UNC5C: variants seen among roughly 807,000 people sequenced by gnomAD.
UNC5C encodes the protein unc-5 netrin receptor C, also known as netrin receptor UNC5C.
UNC5C carries 47 observed loss-of-function variants against 99.8 expected under a neutral mutation model. The observed-to-expected ratio is 0.47, with a 90% CI of 0.37 to 0.60. UNC5C has a LOEUF of 0.60. UNC5C is among the 20% of genes least tolerant of loss of function. UNC5C has a pLI of 0.00. For synonymous variants in UNC5C, 487 were observed against 452.2 expected (o/e 1.08, Z -0.98); for missense variants, 1,062 against 1,165.9 (o/e 0.91, Z 1.30).
chr4:95,203,656 G>A (rs1406759323), intron 11 of UNC5C, among the ~76,000 whole-genome samples: 2 of 151,958 alleles, frequency 1.3e-5, no homozygotes, highest in Non-Finnish European at 2.9e-5. Flanking sequence ...ATAGAGATGG[G>A]GTTTCACTAT....
At position 95,179,981 on chromosome 4, in the gene UNC5C, A is replaced by C. The variant is rs140885240; in HGVS notation, c.2451+2916T>G. ...TATTTTGATTGATGATAGAAAGAAA[A>C]TCTGAAACCTCAATTGATGACAGAC... is the stretch of plus-strand genomic sequence containing the variant. On this transcript the variant is annotated intron_variant, in intron 14 of 15. Transcript: ENST00000453304. Among the ~76,000 whole-genome samples the C allele has an allele frequency of 8.4e-4, 123 of 146,056 alleles. 1 individual carries two copies. Among genetic ancestry groups the C allele is most frequent in the African/African-American group, 2.9e-3 (117 of 40,764 alleles).
At chr4:95,483,765 A>G (rs1721244427) in intron 1 of UNC5C, among the ~76,000 whole-genome samples, 2 of 151,714 alleles carry the variant, frequency 1.3e-5, no homozygotes, top group African/African-American at 2.4e-5. Flanking sequence ...TTCAACCTGG[A>G]TCCCATTAAG....
intron 1 of UNC5C, among the ~76,000 whole-genome samples, chr4:95,348,314 G>T (rs955999863): frequency 2.0e-5 from 3 of 151,836 alleles, no homozygotes; most frequent in Non-Finnish European, 4.4e-5. Flanking sequence ...ACTGTTGGGG[G>T]GAATGTAAAT....
chr4:95,176,204 C>T (rs28844418), intron 14 of UNC5C, among the ~76,000 whole-genome samples: 2,097 of 152,256 alleles, frequency 0.014, 49 homozygotes, highest in African/African-American at 0.047. Context: ...TCCCATAGCT[C>T]GGAGTAATTT....
At chr4:95,183,856 C>T (rs1736716896) in intron 13 of UNC5C, among the ~76,000 whole-genome samples, 1 of 152,186 alleles carries the variant, frequency 6.6e-6, no homozygotes, top group Admixed American at 6.5e-5. Flanking sequence ...GTTTTCCTAT[C>T]TGCAAAAGAG....
At chr4:95,341,087 A>G (rs1311469027) in intron 1 of UNC5C, among the ~76,000 whole-genome samples, 1 of 152,182 alleles carries the variant, frequency 6.6e-6, no homozygotes, top group African/African-American at 2.4e-5. Flanking sequence ...ATTTGACAAT[A>G]TAAGTAAAAA....
intron 1 of UNC5C, among the ~76,000 whole-genome samples, chr4:95,446,105 C>G (rs1431779587): frequency 6.6e-6 from 1 of 152,124 alleles, no homozygotes; most frequent in Non-Finnish European, 1.5e-5. Flanking sequence ...AGACCGGCCT[C>G]ATTCAGAACT....
rs756595601 is a variant in UNC5C, at chr4:95,202,881, C to G, written c.1986G>C (p.Glu662Asp). 6.2e-7 allele frequency: 1 copy of G among 1,614,070 alleles called. No homozygotes were observed. Among genetic ancestry groups the G allele is most frequent in the African/African-American group, 1.3e-5 (1 of 74,936 alleles). ...LDAEACHILT[E>D]NLSTYALVGH... Reference sequence around the variant, plus strand: ...CTACCAGGGCGTAGGTGCTGAGGTTCTCTGTGAGGATGTGGCAGGCCTCTG... The same window carrying G: ...CTACCAGGGCGTAGGTGCTGAGGTTGTCTGTGAGGATGTGGCAGGCCTCTG... The change falls in exon 12 of 16, where the codon GAG becomes GAC. Residue 662 changes from glutamate to aspartate, a missense_variant. Around this residue, in one of 3 missense-constraint regions of UNC5C, gnomAD observed 810 missense variants for 854.5 expected, o/e 0.95. Coordinates refer to ENST00000453304, the MANE Select transcript of UNC5C (RefSeq NM_003728.4).
chr4:95,480,491 C>T (rs1432205917), intron 1 of UNC5C, among the ~76,000 whole-genome samples: 2 of 151,742 alleles, frequency 1.3e-5, no homozygotes, highest in African/African-American at 4.8e-5. Context: ...TCTCAAAGAC[C>T]ACCCTATGTC....
At position 95,242,338 on chromosome 4, in the gene UNC5C, G is replaced by T. The variant is rs2149378344; in HGVS notation, c.1108+91C>A. ...TTATTGCATTTTATTGTTGTTGAAA[G>T]AATTCTTTATTTCTAATGTTTCCTT... is the stretch of plus-strand genomic sequence containing the variant. On this transcript the variant is annotated intron_variant, in intron 7 of 15. Coordinates refer to ENST00000453304, the MANE Select transcript of UNC5C (RefSeq NM_003728.4). The T allele has an allele frequency of 1.3e-5, 19 of 1,513,852 alleles. No homozygotes were observed. In the South Asian group the frequency reaches 1.9e-4, roughly 15 times the overall value. The allele number at this position is 1,513,852 out of a possible 1,614,324, so 93.8% of individuals were successfully genotyped here. A position where few individuals can be genotyped will look rare whatever the true frequency, so the allele number is the denominator to read the frequency against.
intron 1 of UNC5C, among the ~76,000 whole-genome samples, chr4:95,387,143 T>C (rs965986015): frequency 3.3e-5 from 5 of 152,104 alleles, no homozygotes; most frequent in African/African-American, 1.2e-4. Flanking sequence ...CTCTCTCTCT[T>C]TTTATTTTTT....
chr4:95,373,970 C>G (rs1050955828), intron 1 of UNC5C, among the ~76,000 whole-genome samples: 4 of 152,110 alleles, frequency 2.6e-5, no homozygotes, highest in Non-Finnish European at 5.9e-5. Flanking sequence ...CAACTGTGAT[C>G]TTTTCCTGCA....
intron 4 of UNC5C, among the ~76,000 whole-genome samples, chr4:95,275,065 G>A (rs569278028): frequency 6.8e-5 from 7 of 102,260 alleles, no homozygotes; most frequent in African/African-American, 2.9e-4. Context: ...GGTAAGGGCA[G>A]CAGTACACCA....
At position 95,167,769 on chromosome 4, in the gene UNC5C, A is replaced by G. The variant is rs541166848; in HGVS notation, c.*1465T>C. 6.6e-6 allele frequency: 1 copy of G among 152,354 alleles called. No homozygotes were observed. The highest frequency in any genetic ancestry group is 2.4e-5 in the African/African-American group (1 of 41,598). The allele number at this position is 152,354 out of a possible 1,614,324, so 9.4% of individuals were successfully genotyped here. On this transcript the variant is annotated 3_prime_UTR_variant, in exon 16 of 16. Transcript: ENST00000453304. ...AATAATCATCTTCCTTGTCAGAACTACTTGAAAGGCGTAACATAGCCTGGG... is the reference window on the plus strand; with the variant it reads ...AATAATCATCTTCCTTGTCAGAACTGCTTGAAAGGCGTAACATAGCCTGGG...
rs142110488 is a variant in UNC5C at position 95,236,365 on chromosome 4, C to T, written c.1108+6064G>A. Among the ~76,000 whole-genome samples, 447 of 147,490 alleles carry T rather than the reference C, an allele frequency of 3.0e-3. 5 individuals carry two copies. In the East Asian group the frequency reaches 0.041, roughly 13 times the overall value. ...ACCAAACATCGCATGTTCTCACTCA[C>T]AGGTGGGAATTGAACGATGAGAACA... On this transcript the variant is annotated intron_variant, in intron 7 of 15. Transcript: ENST00000453304.
intron 1 of UNC5C, among the ~76,000 whole-genome samples, chr4:95,342,906 G>A (rs1045077173): frequency 2.6e-4 from 39 of 152,058 alleles, no homozygotes; most frequent in African/African-American, 7.0e-4. Context: ...GGCAGTGGCA[G>A]TGGCCATGGA....
chr4:95,357,415 C>T (rs1037029574), intron 1 of UNC5C, among the ~76,000 whole-genome samples: 30 of 152,134 alleles, frequency 2.0e-4, no homozygotes, highest in African/African-American at 5.5e-4. Context: ...GGATTACAGG[C>T]GTGCACCATT....
At chr4:95,544,373 T>TA (rs753768069) in intron 1 of UNC5C, among the ~76,000 whole-genome samples, 5 of 152,164 alleles carry the variant, frequency 3.3e-5, no homozygotes, top group Non-Finnish European at 5.9e-5. Context: ...TTCAAGAACA[T>TA]ACAACTTCCA....
At chr4:95,416,605 C>T (rs112703225) in intron 1 of UNC5C, among the ~76,000 whole-genome samples, 4 of 152,232 alleles carry the variant, frequency 2.6e-5, no homozygotes, top group Admixed American at 6.5e-5. Flanking sequence ...TGGAGACATT[C>T]GGACAATTAG....
Sources: gnomAD v4.1 joint callset for allele counts (sites outside exome capture counted in the v4.1 genomes callset) on GRCh38, gnomAD v4.1.1 for gene constraint, gnomAD v4.1.1 regional missense constraint, MANE v1.5 for transcripts, NCBI Gene and HGNC (gene_info 2026-07-23, HGNC 2026-07-21) for gene names.